The following MAP3K20 variants were observed in gnomAD, a reference collection of about 807,000 sequenced individuals.
The protein encoded by MAP3K20 is mitogen-activated protein kinase kinase kinase 20.
In MAP3K20, 40 loss-of-function variants were observed where a neutral mutation model predicts 85.7. The ratio of observed to expected loss-of-function variants is 0.47; its 90% CI spans 0.36 to 0.61. The LOEUF (loss-of-function observed/expected upper bound fraction) is 0.61. Ranked by LOEUF, MAP3K20 falls within the 20% of genes least tolerant of loss-of-function variation. The pLI is 0.00. For synonymous variants in MAP3K20, 325 were observed against 327.7 expected (o/e 0.99, Z 0.09); for missense variants, 817 against 961.7 (o/e 0.85, Z 1.99).
At chr2:173,099,368 C>T (rs1214716210) in intron 2 of MAP3K20, among the ~76,000 whole-genome samples, 1 of 143,056 alleles carries the variant, frequency 7.0e-6, no homozygotes, top group Non-Finnish European at 1.5e-5. Context: ...CTCCCTCTGT[C>T]CCCCAGGCTG....
chr2:173,197,124 C>G (rs1690870662), intron 7 of MAP3K20, among the ~76,000 whole-genome samples: 1 of 152,084 alleles, frequency 6.6e-6, no homozygotes, highest in South Asian at 2.1e-4. Flanking sequence ...ACTGATAAAA[C>G]TAGAATTGTT....
In MAP3K20 at chr2:173,266,333, C is replaced by T. The variant is rs7593849; in HGVS notation, c.1986C>T (p.Gly662=). 5.5e-4 allele frequency: 882 copies of T among 1,614,070 alleles called. 6 individuals carry two copies. The African/African-American group carries it at 0.01, about 18-fold the overall frequency. Residue 662 remains glycine, a synonymous_variant, in exon 20 of 20, where the codon GGC becomes GGT. Coordinates refer to ENST00000375213, the MANE Select transcript of MAP3K20 (RefSeq NM_016653.3). ...LNSRDSGFSS[G]NTDTSSERGR... ...CTAGGGACAGTGGCTTTTCCAGTGG[C>T]AATACTGACACCTCTTCAGAGAGGG... is the stretch of plus-strand genomic sequence containing the variant.
intron 2 of MAP3K20, among the ~76,000 whole-genome samples, chr2:173,135,028 C>T (rs992158907): frequency 2.0e-5 from 3 of 152,076 alleles, no homozygotes; most frequent in African/African-American, 7.2e-5. Context: ...CAGGACAATG[C>T]TTGGCATATA....
chr2:173,248,123 GT>G (rs1684962980), intron 16 of MAP3K20, among the ~76,000 whole-genome samples: 2 of 152,192 alleles, frequency 1.3e-5, no homozygotes, highest in South Asian at 4.1e-4. Context: ...GATTTTAGTA[GT>G]ATAATGAGGC....
chr2:173,167,435 C>T (rs545388804), intron 2 of MAP3K20, among the ~76,000 whole-genome samples: 17 of 152,216 alleles, frequency 1.1e-4, no homozygotes, highest in Admixed American at 2.6e-4. Flanking sequence ...TTCAGTCTGC[C>T]TCTGTTTACT....
At chr2:173,221,712 G>A (rs948086833) in intron 11 of MAP3K20, 22 of 1,308,312 alleles carry the variant, frequency 1.7e-5, no homozygotes, top group South Asian at 1.3e-4. Context: ...ACAGAAAAAC[G>A]GGGGGAGAAT....
chr2:173,172,727 A>G (rs911394647), intron 3 of MAP3K20, among the ~76,000 whole-genome samples: 3 of 152,174 alleles, frequency 2.0e-5, no homozygotes, highest in African/African-American at 7.2e-5. Context: ...AGATCTACAA[A>G]GAAATGGGGT....
At position 173,261,699 on chromosome 2, in the gene MAP3K20, A is replaced by T. The variant is rs139186839; in HGVS notation, c.1551+562A>T. Reference sequence around the variant, plus strand: ...TAGAGGTGCTTACACCAGTTTGATCACACTAACTTCATGTAAATCAATACT... The same window carrying T: ...TAGAGGTGCTTACACCAGTTTGATCTCACTAACTTCATGTAAATCAATACT... On this transcript the variant is annotated intron_variant, in intron 18 of 19. Coordinates refer to ENST00000375213, the MANE Select transcript of MAP3K20 (RefSeq NM_016653.3). 1.8e-3 allele frequency among the ~76,000 whole-genome samples: 271 copies of T among 152,312 alleles called. 1 individual carries two copies. Among genetic ancestry groups the T allele is most frequent in the African/African-American group, 6.2e-3 (256 of 41,572 alleles).
chr2:173,253,792 G>A (rs1313952130), intron 16 of MAP3K20, among the ~76,000 whole-genome samples: 1 of 152,150 alleles, frequency 6.6e-6, no homozygotes, highest in Non-Finnish European at 1.5e-5. Flanking sequence ...CCTGGGCCAG[G>A]TGCAGTTGCT....
chr2:173,091,725 A>C (rs1472216058), intron 2 of MAP3K20, among the ~76,000 whole-genome samples: 1 of 152,222 alleles, frequency 6.6e-6, no homozygotes, highest in African/African-American at 2.4e-5. Flanking sequence ...AATAGGTGCC[A>C]GACAGAGAGC....
In MAP3K20 at chr2:173,258,696, C is replaced by A; in HGVS notation, c.1360-3C>A. On this transcript the variant is annotated splice_region_variant and splice_polypyrimidine_tract_variant and intron_variant, in intron 16 of 19. Transcript: ENST00000375213. ...AATTCTGTAATTTTGTTTTTAATTC[C>A]AGGATTGTAAGTGGAAAATGTATAT... The A allele has an allele frequency of 6.4e-7, 1 of 1,569,410 alleles. No homozygotes were observed. Among genetic ancestry groups the A allele is most frequent in the Non-Finnish European group, 8.7e-7 (1 of 1,149,082 alleles).
chr2:173,266,939 C>G lies in MAP3K20; in HGVS notation c.*189C>G. 2.1e-6 allele frequency: 1 copy of G among 472,548 alleles called. No individual in the cohort carries two copies. The highest frequency in any genetic ancestry group is 3.9e-5 in the Admixed American group (1 of 25,954). 29.3% of individuals were successfully genotyped at this position (472,548 alleles called of 1,614,324 possible). A position where few individuals can be genotyped will look rare whatever the true frequency, so the allele number is the denominator to read the frequency against. Reference sequence around the variant, plus strand: ...GGCCAAAATTATGGATATTGGTCACCCAGTGATCATAACTAGGCTTGAAAA... The same window carrying G: ...GGCCAAAATTATGGATATTGGTCACGCAGTGATCATAACTAGGCTTGAAAA... On this transcript the variant is annotated 3_prime_UTR_variant, in exon 20 of 20. Coordinates refer to ENST00000375213, the MANE Select transcript of MAP3K20 (RefSeq NM_016653.3).
chr2:173,155,689 A>G (rs1282024395), intron 2 of MAP3K20, among the ~76,000 whole-genome samples: 1 of 152,182 alleles, frequency 6.6e-6, no homozygotes, highest in Non-Finnish European at 1.5e-5. Context: ...TTTTTTCCAT[A>G]CTTAGAGATT....
chr2:173,242,971 C>A (rs1018295768), intron 16 of MAP3K20, among the ~76,000 whole-genome samples: 2 of 151,996 alleles, frequency 1.3e-5, no homozygotes, highest in African/African-American at 4.8e-5. Context: ...TCCCAAAGTG[C>A]TGGGATTACA....
chr2:173,230,640 T>G lies in MAP3K20; in HGVS notation c.1032+907T>G, dbSNP rs188686233. On this transcript the variant is annotated intron_variant, in intron 12 of 19. Transcript: ENST00000375213. ...TAGAAACCCTGAGAAACAATCCAAC[T>G]TAGTCTGTTACATCACCATATCTAT... is the stretch of plus-strand genomic sequence containing the variant. 1.8e-3 allele frequency among the ~76,000 whole-genome samples: 279 copies of G among 152,328 alleles called. 1 individual carries two copies. Among genetic ancestry groups the G allele is most frequent in the Non-Finnish European group, 3.5e-3 (238 of 68,034 alleles).
intron 16 of MAP3K20, among the ~76,000 whole-genome samples, chr2:173,257,134 A>C (rs1685179875): frequency 1.3e-5 from 2 of 152,230 alleles, no homozygotes; most frequent in Admixed American, 1.3e-4. Flanking sequence ...ACCATACTCC[A>C]GCCTGGGTGA....
At chr2:173,229,756 T>G (rs1684478738) in intron 12 of MAP3K20, 23 bp downstream of exon 12, 5 of 1,613,490 alleles carry the variant, frequency 3.1e-6, no homozygotes, top group Non-Finnish European at 4.2e-6. Context: ...TATTCATGCC[T>G]TATTTGACTT....
At chr2:173,121,451 A>G (rs1354923087) in intron 2 of MAP3K20, among the ~76,000 whole-genome samples, 2 of 152,058 alleles carry the variant, frequency 1.3e-5, no homozygotes, top group Admixed American at 6.5e-5. Context: ...GCAGCAGGCA[A>G]TCTCGGCTCA....
chr2:173,205,119 A>AAAATAAAT (rs1559277759), intron 9 of MAP3K20, among the ~76,000 whole-genome samples: 1 of 139,584 alleles, frequency 7.2e-6, no homozygotes, highest in Admixed American at 7.0e-5. Context: ...AAAAAAAAAA[A>AAAATAAAT]AAATAAATAA....
Sources: gnomAD v4.1 joint callset for allele counts (sites outside exome capture counted in the v4.1 genomes callset) on GRCh38, gnomAD v4.1.1 for gene constraint, MANE v1.5 for transcripts, NCBI Gene and HGNC (gene_info 2026-07-23, HGNC 2026-07-21) for gene names.